CAPRIN2: variants seen among roughly 807,000 people sequenced by gnomAD.
The protein encoded by CAPRIN2 is caprin-2.
Under a neutral mutation model 130.4 loss-of-function variants are expected in CAPRIN2, and 66 were observed. That is an observed-to-expected ratio of 0.51 (90% CI 0.42 to 0.62). CAPRIN2 has a LOEUF of 0.62. Ranked by LOEUF, CAPRIN2 falls within the 20% of genes least tolerant of loss-of-function variation. The probability of loss-of-function intolerance (pLI) is 0.00; values close to 1 mark genes in which losing one functional copy is unlikely to be tolerated. For synonymous variants in CAPRIN2, 471 were observed against 444.1 expected (o/e 1.06, Z -0.76); for missense variants, 1,185 against 1,246.6 (o/e 0.95, Z 0.74).
chr12:30,743,231 C>T (rs2068350574), intron 2 of CAPRIN2, among the ~76,000 whole-genome samples: 1 of 150,436 alleles, frequency 6.6e-6, no homozygotes, highest in East Asian at 2.0e-4. Context: ...AGAGCTGCTC[C>T]CTCTCTATTG....
chr12:30,713,719 C>A, intron 15 of CAPRIN2, 66 bp downstream of exon 17: 1 of 915,302 alleles, frequency 1.1e-6, no homozygotes, highest in Non-Finnish European at 1.7e-6. Flanking sequence ...CTGCGATATA[C>A]TTCAATCACC....
At chr12:30,724,307 C>T in intron 10 of CAPRIN2, 63 bp downstream of exon 11, 1 of 969,200 alleles carries the variant, frequency 1.0e-6, no homozygotes, top group Non-Finnish European at 1.7e-6. Flanking sequence ...TTTGAAAAGA[C>T]AACAACAACA....
At chr12:30,733,652 T>C (rs748796927) in exon 5 of CAPRIN2, 6 of 1,613,256 alleles carry the variant, frequency 3.7e-6, no homozygotes, top group Non-Finnish European at 5.1e-6. Flanking sequence ...CACTGCTTTC[T>C]CACTACCTTC....
rs550587606 is a variant in CAPRIN2, at chr12:30,739,630, G to A, written c.570+1390C>T. On this transcript the variant is annotated intron_variant, in intron 3 of 16. Transcript: ENST00000298892. ...CTTGGGAGGCTGAGGCAGAAGAATC[G>A]CGTGAACCCGGGAGGCGGAGCTTGC... Among the ~76,000 whole-genome samples, 29 of 151,802 alleles carry A rather than the reference G, an allele frequency of 1.9e-4. No individual in the cohort carries two copies. In the South Asian group the frequency reaches 5.0e-3, roughly 26 times the overall value.
rs936612684 is a variant in CAPRIN2, at chr12:30,735,352, T to C, written c.571-146A>G. On this transcript the variant is annotated intron_variant, in intron 3 of 16. Coordinates refer to ENST00000298892, the Ensembl canonical transcript of CAPRIN2. ...ACTACCAGTTTAGTCTGTCTCCTTT[T>C]TGAGCTAAAGAAGTCACTGAGTAAT... is the stretch of plus-strand genomic sequence containing the variant. 7.0e-6 allele frequency: 5 copies of C among 716,116 alleles called. No homozygotes were observed. In the African/African-American group the frequency reaches 7.1e-5, roughly 10 times the overall value. 44.4% of individuals were successfully genotyped at this position (716,116 alleles called of 1,614,324 possible). A position where few individuals can be genotyped will look rare whatever the true frequency, so the allele number is the denominator to read the frequency against.
chr12:30,715,366 C>A, intron 13 of CAPRIN2: 6 of 618,650 alleles, frequency 9.7e-6, no homozygotes, highest in South Asian at 9.4e-5. Flanking sequence ...TTGACCCATG[C>A]TACAACATGA....
At chr12:30,728,950 G>T (rs374198235) in exon 8 of CAPRIN2, 1 of 1,614,028 alleles carries the variant, frequency 6.2e-7, no homozygotes, top group Non-Finnish European at 8.5e-7. Flanking sequence ...CACAGCTTTG[G>T]TGTCTCCTGT....
At chr12:30,719,207 T>C (rs146249440) in intron 12 of CAPRIN2, 3 of 1,613,862 alleles carry the variant, frequency 1.9e-6, no homozygotes, top group Non-Finnish European at 2.5e-6. Context: ...GACGGTTGCT[T>C]GCCTGGGGGA....
chr12:30,733,681 C>A, exon 5 of CAPRIN2: 2 of 1,613,608 alleles, frequency 1.2e-6, no homozygotes, highest in Non-Finnish European at 1.7e-6. Flanking sequence ...CCCAAAAGTA[C>A]AAGGATGACT....
intron 14 of CAPRIN2, 44 bp downstream of exon 16, chr12:30,714,915 C>G (rs751469217): frequency 6.6e-7 from 1 of 1,516,240 alleles, no homozygotes; most frequent in Admixed American, 1.7e-5. Context: ...AGTAAACACA[C>G]AGACAAAATA....
intron 6 of CAPRIN2, 30 bp downstream of exon 7, chr12:30,731,313 C>T (rs369246284): frequency 1.6e-5 from 26 of 1,593,666 alleles, no homozygotes; most frequent in Non-Finnish European, 2.1e-5. Context: ...AATGCAACCA[C>T]TATAAGGATT....
intron 9 of CAPRIN2, 137 bp downstream of exon 10, chr12:30,725,829 A>G (rs1299689868): frequency 3.3e-6 from 2 of 603,880 alleles, no homozygotes; most frequent in African/African-American, 1.9e-5. Context: ...TAATTTGCCT[A>G]AACTCCAGGC....
intron 14 of CAPRIN2, 42 bp from the exon 17 acceptor site, chr12:30,713,927 A>G (rs753764937): frequency 8.4e-7 from 1 of 1,183,748 alleles, no homozygotes; most frequent in African/African-American, 1.5e-5. Flanking sequence ...GGACAAAATC[A>G]TATTAAACTT....
rs749384115 is a variant in CAPRIN2 at position 30,716,560 on chromosome 12, C to A, written c.2265G>T (p.Gln755His). 6.8e-6 allele frequency: 11 copies of A among 1,613,980 alleles called. No individual in the cohort carries two copies. The South Asian group carries it at 1.2e-4, about 18-fold the overall frequency. Reference sequence around the variant, plus strand: ...CTACATGTATAGATGGCAGTTGGCACTGGGGTGGTGTTTGTGTACTTGCTG... The same window carrying A: ...CTACATGTATAGATGGCAGTTGGCAATGGGGTGGTGTTTGTGTACTTGCTG... The change falls in exon 13 of 17, where the codon CAG becomes CAT. Residue 755 changes from glutamine (Q) to histidine (H), a missense_variant. Transcript: ENST00000298892.
Position 30,710,755 on chromosome 12 carries a change from A to T in CAPRIN2, c.2666-285T>A, listed in dbSNP as rs2136234303. Among the ~76,000 whole-genome samples the T allele has an allele frequency of 6.6e-6, 1 of 152,184 alleles. No homozygotes were observed. Among genetic ancestry groups the T allele is most frequent in the South Asian group, 2.1e-4 (1 of 4,746 alleles). ...GCCAGATAACTTAGCAAAGTCTAAA[A>T]CTCAGGTCTGAACACTTTTTACTTC... On this transcript the variant is annotated intron_variant, in intron 16 of 16. Coordinates refer to ENST00000298892, the Ensembl canonical transcript of CAPRIN2. The surrounding 1 kb of genome is among the most constrained non-coding windows in gnomAD (Gnocchi z 4.8).
chr12:30,728,590 C>A (rs549817333), intron 8 of CAPRIN2, 58 bp downstream of exon 9: 2 of 1,356,010 alleles, frequency 1.5e-6, no homozygotes, highest in Admixed American at 2.3e-5. Context: ...AAAGTCATTA[C>A]CACGACACCT....
chr12:30,738,296 C>T (rs1006252204), intron 3 of CAPRIN2, among the ~76,000 whole-genome samples: 1 of 150,114 alleles, frequency 6.7e-6, no homozygotes, highest in Admixed American at 6.6e-5. Context: ...CTCTAGACTA[C>T]AGCAGCAAAG....
At chr12:30,747,443 C>T (rs551341394) in intron 2 of CAPRIN2, among the ~76,000 whole-genome samples, 3 of 152,148 alleles carry the variant, frequency 2.0e-5, no homozygotes, top group South Asian at 2.1e-4. Context: ...TTTGGGAGGC[C>T]GAGGCGGGCA....
intron 15 of CAPRIN2, among the ~76,000 whole-genome samples, chr12:30,711,947 TC>T (rs1238531297): frequency 6.6e-6 from 1 of 152,200 alleles, no homozygotes; most frequent in African/African-American, 2.4e-5. Flanking sequence ...TGTGGCATGG[TC>T]CTCTGTCCCT....
Sources: gnomAD v4.1 joint callset for allele counts (sites outside exome capture counted in the v4.1 genomes callset) on GRCh38, gnomAD v4.1.1 for gene constraint, Gnocchi (gnomAD v3.1) non-coding constraint, MANE v1.5 for transcripts, NCBI Gene and HGNC (gene_info 2026-07-23, HGNC 2026-07-21) for gene names.